LEKR1: variants seen among roughly 807,000 people sequenced by gnomAD.
The protein encoded by LEKR1 is protein LEKR1.
Under a neutral mutation model 72.4 loss-of-function variants are expected in LEKR1, and 59 were observed. The observed-to-expected ratio is 0.82, with a 90% CI of 0.66 to 1.01. The LOEUF (loss-of-function observed/expected upper bound fraction) is 1.01, where lower values mean the gene tolerates loss of function less well. LEKR1 is among the 50% of genes least tolerant of loss of function. The pLI, the probability that LEKR1 is intolerant of heterozygous loss-of-function variation, is 0.00. For missense variants in LEKR1, 728 were observed against 759.2 expected, an observed-to-expected ratio of 0.96 and a Z score of 0.48; for synonymous variants, 257 against 263.2, an observed-to-expected ratio of 0.98 and a Z score of 0.23.
At chr3:156,992,014 C>G (rs1487846675) in intron 7 of LEKR1, among the ~76,000 whole-genome samples, 1 of 152,180 alleles carries the variant, frequency 6.6e-6, no homozygotes, top group African/African-American at 2.4e-5. Context: ...CAATCTCTGT[C>G]CAGGATAACA....
At chr3:156,872,234 A>T (rs913831744) in intron 3 of LEKR1, among the ~76,000 whole-genome samples, 1 of 151,390 alleles carries the variant, frequency 6.6e-6, no homozygotes, top group African/African-American at 2.4e-5. Flanking sequence ...TGGTGTTTAT[A>T]GTTGTTTATA....
chr3:156,917,161 AG>A (rs768331760), intron 3 of LEKR1, among the ~76,000 whole-genome samples: 15 of 152,264 alleles, frequency 9.9e-5, no homozygotes, highest in South Asian at 2.1e-4. Context: ...TGATAGCAGA[AG>A]TTAAAACTTT....
intron 3 of LEKR1, among the ~76,000 whole-genome samples, chr3:156,907,210 G>T (rs1412784549): frequency 6.6e-6 from 1 of 151,986 alleles, no homozygotes; most frequent in South Asian, 2.1e-4. Context: ...TCTCTCTGTA[G>T]AGATCACCCT....
intron 3 of LEKR1, among the ~76,000 whole-genome samples, chr3:156,906,402 T>C (rs775259282): frequency 2.0e-5 from 3 of 152,128 alleles, no homozygotes; most frequent in Non-Finnish European, 4.4e-5. Context: ...GCAAGAGGAT[T>C]ATAATGCAAG....
At chr3:156,926,281 C>G (rs535407327) in intron 4 of LEKR1, among the ~76,000 whole-genome samples, 1 of 151,982 alleles carries the variant, frequency 6.6e-6, no homozygotes, top group South Asian at 2.1e-4. Flanking sequence ...AATCACTTTC[C>G]AAGAAAACCT....
intron 3 of LEKR1, among the ~76,000 whole-genome samples, chr3:156,909,923 A>G (rs546332883): frequency 6.6e-6 from 1 of 152,204 alleles, no homozygotes; most frequent in East Asian, 1.9e-4. Flanking sequence ...TTATCATTTT[A>G]AAAAGCATTT....
intron 3 of LEKR1, chr3:156,888,587 G>A (rs1166835946): frequency 2.0e-6 from 1 of 502,104 alleles, no homozygotes; most frequent in East Asian, 2.9e-5. Flanking sequence ...TGAAGAAAGA[G>A]AGAGCTAATT....
intron 6 of LEKR1, among the ~76,000 whole-genome samples, chr3:156,966,964 G>A (rs1038683288): frequency 6.6e-6 from 1 of 152,204 alleles, no homozygotes; most frequent in African/African-American, 2.4e-5. Context: ...AACATTTGCT[G>A]CCCACAAATA....
intron 7 of LEKR1, among the ~76,000 whole-genome samples, chr3:156,989,713 A>C (rs997485311): frequency 6.6e-6 from 1 of 152,162 alleles, no homozygotes; most frequent in African/African-American, 2.4e-5. Flanking sequence ...AAGAGCACCC[A>C]GATAGTCTTT....
intron 3 of LEKR1, among the ~76,000 whole-genome samples, chr3:156,855,311 G>A (rs1715925124): frequency 6.6e-6 from 1 of 151,954 alleles, no homozygotes; most frequent in Non-Finnish European, 1.5e-5. Context: ...GTTAATATTA[G>A]GTTTTTCTTA....
intron 12 of LEKR1, among the ~76,000 whole-genome samples, chr3:157,033,055 T>C (rs79920523): frequency 0.033 from 5,074 of 152,288 alleles, 100 homozygotes; most frequent in Admixed American, 0.043. Context: ...GACAGCAAAC[T>C]TAATAGATAA....
At chr3:156,871,064 T>C (rs1717873744) in intron 3 of LEKR1, among the ~76,000 whole-genome samples, 1 of 152,062 alleles carries the variant, frequency 6.6e-6, no homozygotes. Flanking sequence ...CACTAACACG[T>C]CATCTGGCAT....
At chr3:156,874,190 C>T (rs1353894185) in intron 3 of LEKR1, among the ~76,000 whole-genome samples, 1 of 152,066 alleles carries the variant, frequency 6.6e-6, no homozygotes, top group Middle Eastern at 3.4e-3. Flanking sequence ...TTCTTCAGTT[C>T]CAGAATTTCT....
At chr3:156,976,698 A>G (rs1390152844) in intron 6 of LEKR1, among the ~76,000 whole-genome samples, 1 of 152,186 alleles carries the variant, frequency 6.6e-6, no homozygotes, top group Non-Finnish European at 1.5e-5. Context: ...CTTATGGACA[A>G]TATCATATTC....
At chr3:156,871,389 C>A (rs936516756) in intron 3 of LEKR1, among the ~76,000 whole-genome samples, 1 of 152,104 alleles carries the variant, frequency 6.6e-6, no homozygotes, top group African/African-American at 2.4e-5. Flanking sequence ...CAAGTCTTTG[C>A]TATTCTGAAT....
At position 156,993,080 on chromosome 3, in the gene LEKR1, T is replaced by C; in HGVS notation, c.912T>C (p.Thr304=). The change falls in exon 9 of 13, where the codon ACT becomes ACC. Residue 304 remains threonine, a synonymous_variant. Coordinates refer to ENST00000356539, the MANE Select transcript of LEKR1 (RefSeq NM_001004316.3). The stretch of plus-strand genomic sequence containing the variant: ...TTTTCCTATTTCTTTTTAGGCATAC[T>C]ATGCTGCTTAAGGAAAAAGAAGACT... The part of the protein sequence containing the change: ...FESIISESQH[T]MLLKEKEDSL... 6.3e-7 allele frequency: 1 copy of C among 1,586,110 alleles called. No individual in the cohort carries two copies. Among genetic ancestry groups the C allele is most frequent in the Non-Finnish European group, 8.6e-7 (1 of 1,166,250 alleles).
chr3:156,970,996 G>T (rs984322942), intron 6 of LEKR1, among the ~76,000 whole-genome samples: 3 of 151,468 alleles, frequency 2.0e-5, no homozygotes, highest in African/African-American at 7.3e-5. Context: ...CTACTTTAAA[G>T]TTCATATGGA....
At chr3:156,855,292 C>T (rs1715922351) in intron 3 of LEKR1, among the ~76,000 whole-genome samples, 1 of 152,116 alleles carries the variant, frequency 6.6e-6, no homozygotes, top group Non-Finnish European at 1.5e-5. Flanking sequence ...GACCACTTTC[C>T]TACATTTTGT....
intron 3 of LEKR1, among the ~76,000 whole-genome samples, chr3:156,889,711 T>C (rs1276068897): frequency 6.6e-6 from 1 of 152,238 alleles, no homozygotes; most frequent in Admixed American, 6.5e-5. Flanking sequence ...TTGTGGTTTT[T>C]AGCTGCTACT....
Sources: gnomAD v4.1 joint callset for allele counts (sites outside exome capture counted in the v4.1 genomes callset) on GRCh38, gnomAD v4.1.1 for gene constraint, MANE v1.5 for transcripts, NCBI Gene and HGNC (gene_info 2026-07-23, HGNC 2026-07-21) for gene names.